The following RMST variants were observed in gnomAD, a reference collection of about 807,000 sequenced individuals.
RMST encodes long intergenic non-protein coding RNA 54.
chr12:97,550,564 A>G (rs1314048390), intron 11 of RMST, among the ~76,000 whole-genome samples: 1 of 152,208 alleles, frequency 6.6e-6, no homozygotes, highest in African/African-American at 2.4e-5. Context: ...CTTTCCTGGA[A>G]TCACATAAAA....
At chr12:97,494,111 A>G (rs1877145389) in intron 8 of RMST, 1 of 152,208 alleles carries the variant, frequency 6.6e-6, no homozygotes, top group South Asian at 2.1e-4. Context: ...TTTATAAGCA[A>G]AAGAATAATT....
intron 11 of RMST, among the ~76,000 whole-genome samples, chr12:97,543,657 T>C (rs889717408): frequency 3.3e-5 from 5 of 152,130 alleles, no homozygotes; most frequent in Non-Finnish European, 5.9e-5. Flanking sequence ...GTTTACTATA[T>C]GCCAGACACT....
At chr12:97,530,454 C>A (rs1240938409) in intron 10 of RMST, 1 of 151,984 alleles carries the variant, frequency 6.6e-6, no homozygotes, top group African/African-American at 2.4e-5. Context: ...GCTGGTGACG[C>A]ATGTCTTCCT....
intron 5 of RMST, among the ~76,000 whole-genome samples, chr12:97,471,097 T>A (rs1312532015): frequency 6.6e-6 from 1 of 152,038 alleles, no homozygotes; most frequent in East Asian, 1.9e-4. Context: ...AGATAGAAAT[T>A]TTACTTCATA....
At chr12:97,479,906 A>G (rs1276353721) in intron 5 of RMST, among the ~76,000 whole-genome samples, 1 of 151,856 alleles carries the variant, frequency 6.6e-6, no homozygotes, top group Non-Finnish European at 1.5e-5. Context: ...CCTCATCATC[A>G]TCCCCCTTAA....
rs1242713877 is a variant in RMST, at chr12:97,537,894, T to C, written n.1545+7035T>C. Among the ~76,000 whole-genome samples, 5 of 151,450 alleles carry C rather than the reference T, an allele frequency of 3.3e-5. No homozygotes were observed. The Admixed American group carries it at 3.3e-4, about 10-fold the overall frequency. The stretch of plus-strand genomic sequence containing the variant: ...AATATTTTACTCAACTGGAGATATA[T>C]TCATGTGTTTTTTTGTGGGAAACTC... On this transcript the variant is annotated intron_variant and non_coding_transcript_variant, in intron 11 of 13. Coordinates refer to ENST00000640149, the Ensembl canonical transcript of RMST.
intron 5 of RMST, among the ~76,000 whole-genome samples, chr12:97,471,512 A>G (rs1331227094): frequency 6.6e-6 from 1 of 152,154 alleles, no homozygotes; most frequent in Non-Finnish European, 1.5e-5. Context: ...TAGTAGCTGA[A>G]CAGCCCGTGA....
chr12:97,482,208 T>A (rs1279212129), intron 5 of RMST, among the ~76,000 whole-genome samples: 1 of 152,226 alleles, frequency 6.6e-6, no homozygotes, highest in Non-Finnish European at 1.5e-5. Flanking sequence ...GTCTTGGGGA[T>A]TGGCAAACTT....
intron 5 of RMST, among the ~76,000 whole-genome samples, chr12:97,477,001 C>T (rs899547169): frequency 9.2e-5 from 14 of 152,082 alleles, no homozygotes; most frequent in African/African-American, 9.7e-5. Context: ...ATTCTAGAGC[C>T]AGGCATTACT....
chr12:97,499,556 A>G (rs1565924282), intron 10 of RMST, among the ~76,000 whole-genome samples: 1 of 152,164 alleles, frequency 6.6e-6, no homozygotes, highest in Non-Finnish European at 1.5e-5. Flanking sequence ...TATTGTAAAA[A>G]TCAAATAAGA....
intron 5 of RMST, among the ~76,000 whole-genome samples, chr12:97,475,587 G>GTT (rs58995040): frequency 0.26 from 36,284 of 140,872 alleles, 4,577 homozygotes; most frequent in African/African-American, 0.3. Context: ...CTTTTTTTTT[G>GTT]TTTTTTTTTT....
exon 14 of RMST, chr12:97,564,364 G>A (rs1884376054): frequency 1.3e-5 from 2 of 155,844 alleles, no homozygotes; most frequent in Admixed American, 6.3e-5. Context: ...CTCCTCCTGA[G>A]AGCCATAAAT....
intron 5 of RMST, among the ~76,000 whole-genome samples, chr12:97,490,405 C>T (rs1415868305): frequency 6.6e-6 from 1 of 152,164 alleles, no homozygotes; most frequent in Non-Finnish European, 1.5e-5. Context: ...CTATGGGATC[C>T]AGGGCAAGTT....
chr12:97,535,257 G>A (rs1275195156), intron 11 of RMST, among the ~76,000 whole-genome samples: 2 of 151,624 alleles, frequency 1.3e-5, no homozygotes, highest in African/African-American at 2.4e-5. Flanking sequence ...GTTTTCAAGT[G>A]AGTTGGAAGG....
chr12:97,478,002 GA>G (rs1874768883), intron 5 of RMST, among the ~76,000 whole-genome samples: 1 of 152,168 alleles, frequency 6.6e-6, no homozygotes, highest in Non-Finnish European at 1.5e-5. Flanking sequence ...CCTTCTAAGT[GA>G]ATAGAGCAGA....
At chr12:97,528,744 G>T (rs761809254) in intron 10 of RMST, among the ~76,000 whole-genome samples, 1 of 152,110 alleles carries the variant, frequency 6.6e-6, no homozygotes, top group Non-Finnish European at 1.5e-5. Context: ...AAAAGTAAGT[G>T]AGTGGGCTGA....
chr12:97,475,627 T>G (rs970427115), intron 5 of RMST, among the ~76,000 whole-genome samples: 5 of 151,748 alleles, frequency 3.3e-5, no homozygotes, highest in Admixed American at 3.3e-4. Context: ...AGGCATCATT[T>G]TCACATGGAC....
intron 5 of RMST, among the ~76,000 whole-genome samples, chr12:97,491,471 A>AAAG (rs1399924186): frequency 2.0e-5 from 3 of 152,182 alleles, no homozygotes; most frequent in African/African-American, 7.2e-5. Context: ...TTTCCTCCAA[A>AAAG]ATGTTGATTA....
chr12:97,530,633 CTT>C (rs979501997), intron 10 of RMST: 1 of 152,064 alleles, frequency 6.6e-6, no homozygotes, highest in Non-Finnish European at 1.5e-5. Flanking sequence ...TTAGATGTCT[CTT>C]TGTCTGGCTT....
Sources: gnomAD v4.1 joint callset for allele counts (sites outside exome capture counted in the v4.1 genomes callset) on GRCh38, gnomAD v4.1.1 for gene constraint, MANE v1.5 for transcripts, NCBI Gene and HGNC (gene_info 2026-07-23, HGNC 2026-07-21) for gene names.